SORBS2: variants seen among roughly 807,000 people sequenced by gnomAD.
SORBS2 encodes the protein sorbin and SH3 domain containing 2, also known as sorbin and SH3 domain-containing protein 2.
SORBS2 carries 46 observed loss-of-function variants against 97.7 expected under a neutral mutation model. The observed-to-expected ratio is 0.47, with a 90% CI of 0.37 to 0.60. SORBS2 has a LOEUF of 0.60. Ranked by LOEUF, SORBS2 falls within the 20% of genes least tolerant of loss-of-function variation. The pLI is 0.00. For missense variants in SORBS2, 1,316 were observed against 1,282.3 expected (o/e 1.03, Z -0.40); for synonymous variants, 476 against 473.4 (o/e 1.01, Z -0.07).
At chr4:185,716,062 T>C (rs1445528328) in intron 2 of SORBS2, among the ~76,000 whole-genome samples, 2 of 152,232 alleles carry the variant, frequency 1.3e-5, no homozygotes, top group African/African-American at 2.4e-5. Context: ...AGTTCCTATA[T>C]CATCAGAGGA....
intron 1 of SORBS2, among the ~76,000 whole-genome samples, chr4:185,792,754 G>A (rs2099086703): frequency 6.6e-6 from 1 of 152,028 alleles, no homozygotes; most frequent in Admixed American, 6.6e-5. Context: ...GAGCCCATGA[G>A]CAAAAAATAC....
chr4:185,916,101 A>G (rs995650228), intron 1 of SORBS2, among the ~76,000 whole-genome samples: 1 of 152,180 alleles, frequency 6.6e-6, no homozygotes, highest in Non-Finnish European at 1.5e-5. Context: ...AAGATACTGA[A>G]GGGTTTCCAA....
At chr4:185,785,458 T>C (rs1214750932) in intron 1 of SORBS2, among the ~76,000 whole-genome samples, 1 of 152,248 alleles carries the variant, frequency 6.6e-6, no homozygotes, top group Non-Finnish European at 1.5e-5. Flanking sequence ...TTCCGTTTTA[T>C]AACAGACAGT....
chr4:185,877,725 A>G (rs11725663), intron 1 of SORBS2, among the ~76,000 whole-genome samples: 61,706 of 151,456 alleles, frequency 0.41, 12,906 homozygotes, highest in East Asian at 0.56. Flanking sequence ...CAAAAAATTA[A>G]CCAGCGTGGT....
intron 3 of SORBS2, 34 bp from the exon 13 acceptor site, chr4:185,646,816 A>C (rs1415837717): frequency 8.1e-7 from 1 of 1,231,808 alleles, no homozygotes; most frequent in Non-Finnish European, 1.2e-6. Flanking sequence ...CATTAAAATA[A>C]TCCTTTTTGC....
At chr4:185,630,780 G>A (rs184591855) in intron 4 of SORBS2, among the ~76,000 whole-genome samples, 182 bp from the exon 17 acceptor site, 1 of 152,232 alleles carries the variant, frequency 6.6e-6, no homozygotes, top group East Asian at 1.9e-4. Context: ...TTCTACTTGG[G>A]ACCTATCTGC....
At chr4:185,821,573 G>A (rs1191339928) in intron 1 of SORBS2, among the ~76,000 whole-genome samples, 5 of 151,946 alleles carry the variant, frequency 3.3e-5, no homozygotes, top group East Asian at 1.9e-4. Context: ...ACAGGTGCCC[G>A]CCACCACACC....
At chr4:185,826,665 G>C (rs1322957577) in intron 1 of SORBS2, among the ~76,000 whole-genome samples, 1 of 152,080 alleles carries the variant, frequency 6.6e-6, no homozygotes, top group Non-Finnish European at 1.5e-5. Context: ...GAAAAAAATG[G>C]AAGGATAAGA....
chr4:185,617,229 G>A (rs2096643084), intron 9 of SORBS2, among the ~76,000 whole-genome samples: 1 of 152,064 alleles, frequency 6.6e-6, no homozygotes, highest in African/African-American at 2.4e-5. Flanking sequence ...GATATGCATT[G>A]TACAAATTGT....
intron 4 of SORBS2, chr4:185,677,520 T>G: frequency 6.4e-7 from 1 of 1,551,204 alleles, no homozygotes; most frequent in Non-Finnish European, 8.7e-7. Context: ...GTTAGCAAAG[T>G]ACTCTGTACT....
chr4:185,730,054 G>A (rs1381184159), intron 2 of SORBS2, among the ~76,000 whole-genome samples: 2 of 152,040 alleles, frequency 1.3e-5, no homozygotes, highest in African/African-American at 2.4e-5. Flanking sequence ...CCGGGTTCAC[G>A]CCATTCTCCT....
intron 1 of SORBS2, among the ~76,000 whole-genome samples, chr4:185,806,735 G>A (rs968711344): frequency 6.6e-6 from 1 of 152,080 alleles, no homozygotes; most frequent in Admixed American, 6.5e-5. Context: ...TGGGATTACA[G>A]GCGTGAGCCA....
At chr4:185,596,511 G>A (rs1186175537) in intron 12 of SORBS2, among the ~76,000 whole-genome samples, 2 of 149,578 alleles carry the variant, frequency 1.3e-5, no homozygotes, top group African/African-American at 5.0e-5. Context: ...CCTGTGTGGG[G>A]CAGCCAGCAC....
chr4:185,856,758 G>A (rs978979899), intron 1 of SORBS2, among the ~76,000 whole-genome samples: 1 of 152,124 alleles, frequency 6.6e-6, no homozygotes, highest in South Asian at 2.1e-4. Flanking sequence ...AATTTATAAA[G>A]GAAAGAGGTT....
rs1292722396 is a variant in SORBS2 at position 185,731,882 on chromosome 4, ATATATATATATATATATATATATATATG to A, written c.-198+43317_-198+43344del. ...TCTCTCTCTCTATATATATATATATATATATATATATATATATATATATATATGTCTGTTTCTCTGTCTCACTCTAGAT... is the reference window on the plus strand; with the variant it reads ...TCTCTCTCTCTATATATATATATATATCTGTTTCTCTGTCTCACTCTAGAT... On this transcript the variant is annotated intron_variant, in intron 2 of 20. Coordinates refer to the SORBS2 transcript ENST00000284776. 1.7e-3 allele frequency among the ~76,000 whole-genome samples: 109 copies of A among 63,338 alleles called. 1 individual carries two copies. The highest frequency in any genetic ancestry group is 4.7e-3 in the African/African-American group (76 of 16,142). The allele number at this position is 63,338 out of a possible 152,430, so 41.6% of individuals were successfully genotyped here. A position where few individuals can be genotyped will look rare whatever the true frequency, so the allele number is the denominator to read the frequency against.
At chr4:185,677,363 G>C (rs914303323) in intron 4 of SORBS2, 3 of 1,552,374 alleles carry the variant, frequency 1.9e-6, no homozygotes, top group South Asian at 1.2e-5. Flanking sequence ...TGATGTTAGC[G>C]AATGGTGCAG....
intron 6 of SORBS2, among the ~76,000 whole-genome samples, 164 bp from the exon 19 acceptor site, chr4:185,624,658 C>A (rs1206391438): frequency 1.3e-5 from 2 of 152,178 alleles, no homozygotes; most frequent in Admixed American, 6.5e-5. Context: ...AGCTTCAACT[C>A]TAGAGAAGAA....
At chr4:185,854,591 T>G (rs1159461805) in intron 1 of SORBS2, among the ~76,000 whole-genome samples, 1 of 152,244 alleles carries the variant, frequency 6.6e-6, no homozygotes, top group African/African-American at 2.4e-5. Context: ...CCTTGGTTAT[T>G]CAGTTTGTGA....
At chr4:185,939,773 G>C (rs887459436) in intron 1 of SORBS2, among the ~76,000 whole-genome samples, 1 of 151,978 alleles carries the variant, frequency 6.6e-6, no homozygotes, top group African/African-American at 2.4e-5. Flanking sequence ...GCCTCCCAAA[G>C]TGCTGGGATT....
Sources: gnomAD v4.1 joint callset for allele counts (sites outside exome capture counted in the v4.1 genomes callset) on GRCh38, gnomAD v4.1.1 for gene constraint, MANE v1.5 for transcripts, NCBI Gene and HGNC (gene_info 2026-07-23, HGNC 2026-07-21) for gene names.